NIPAL2: variants seen among roughly 807,000 people sequenced by gnomAD.
The protein encoded by NIPAL2 is NIPA like domain containing 2.
NIPAL2 carries 43 observed loss-of-function variants against 48.9 expected under a neutral mutation model. That is an observed-to-expected ratio of 0.88 (90% CI 0.69 to 1.13). The LOEUF (loss-of-function observed/expected upper bound fraction) is 1.13, where lower values mean the gene tolerates loss of function less well. Among genes scored for constraint, NIPAL2 ranks in the 50% most tolerant of loss-of-function variants. The pLI is 0.00. For missense variants in NIPAL2, 446 were observed against 461.4 expected, an observed-to-expected ratio of 0.97 and a Z score of 0.31; for synonymous variants, 167 against 174.6, an observed-to-expected ratio of 0.96 and a Z score of 0.34.
intron 1 of NIPAL2, among the ~76,000 whole-genome samples, chr8:98,254,328 T>C (rs1813756814): frequency 6.6e-6 from 1 of 152,216 alleles, no homozygotes; most frequent in Admixed American, 6.5e-5. Context: ...TCTGCCTCAT[T>C]TACTAAAATA....
In NIPAL2 at chr8:98,253,989, T is replaced by C. The variant is rs367815119; in HGVS notation, c.204+30A>G. On this transcript the variant is annotated intron_variant, in intron 2 of 10. Transcript: ENST00000430223. ...CATAATGTGTCCCTGGATCAATCTA[T>C]AGTGTTAGAAAAATAAGCTTTTTTC... 2.5e-4 allele frequency: 368 copies of C among 1,488,434 alleles called. 1 individual carries two copies. Among genetic ancestry groups the C allele is most frequent in the Non-Finnish European group, 3.4e-4 (359 of 1,068,528 alleles). The allele number at this position is 1,488,434 out of a possible 1,614,324, so 92.2% of individuals were successfully genotyped here.
In NIPAL2 at chr8:98,191,971, T is replaced by A. The variant is rs1810319674; in HGVS notation, c.*1007A>T. 6.6e-6 allele frequency: 1 copy of A among 152,224 alleles called. No individual in the cohort carries two copies. The highest frequency in any genetic ancestry group is 1.5e-5 in the Non-Finnish European group (1 of 68,036). 9.4% of individuals were successfully genotyped at this position (152,224 alleles called of 1,614,324 possible). A position where few individuals can be genotyped will look rare whatever the true frequency, so the allele number is the denominator to read the frequency against. On this transcript the variant is annotated 3_prime_UTR_variant, in exon 11 of 11. Coordinates refer to ENST00000430223, the MANE Select transcript of NIPAL2 (RefSeq NM_001321635.2). Reference sequence around the variant, plus strand: ...GAAGAATTTACAAAGCTTGAGGTAATGACTTTGGGAAGAAATGATGTGTAG... The same window carrying A: ...GAAGAATTTACAAAGCTTGAGGTAAAGACTTTGGGAAGAAATGATGTGTAG...
At chr8:98,236,819 T>C (rs919330411) in intron 3 of NIPAL2, among the ~76,000 whole-genome samples, 3 of 123,068 alleles carry the variant, frequency 2.4e-5, no homozygotes, top group African/African-American at 9.3e-5. Flanking sequence ...ACCACTGCAC[T>C]GAAGCCTCAG....
intron 1 of NIPAL2, among the ~76,000 whole-genome samples, chr8:98,256,763 G>C (rs1390611246): frequency 6.6e-6 from 1 of 152,146 alleles, no homozygotes; most frequent in Admixed American, 6.5e-5. Context: ...ATTAAACACA[G>C]GATTACCATA....
chr8:98,280,868 A>G (rs944856298), intron 1 of NIPAL2, among the ~76,000 whole-genome samples: 11 of 150,918 alleles, frequency 7.3e-5, no homozygotes, highest in African/African-American at 2.7e-4. Context: ...TATTTATTGT[A>G]CTACTCTTTT....
chr8:98,212,897 G>T (rs1400956809), intron 5 of NIPAL2, among the ~76,000 whole-genome samples: 2 of 152,070 alleles, frequency 1.3e-5, no homozygotes, highest in African/African-American at 4.8e-5. Context: ...CACACTCCGT[G>T]TTGCACAAAC....
intron 1 of NIPAL2, among the ~76,000 whole-genome samples, chr8:98,274,251 ATCTATCTATCTATCTATCTC>A (rs922932097): frequency 6.6e-6 from 1 of 150,970 alleles, no homozygotes; most frequent in African/African-American, 2.4e-5. Flanking sequence ...ATATTCTATC[ATCTATCTATCTATCTATCTC>A]TCTATCTATC....
intron 5 of NIPAL2, among the ~76,000 whole-genome samples, chr8:98,216,688 T>A (rs1429004637): frequency 6.6e-6 from 1 of 152,180 alleles, no homozygotes; most frequent in African/African-American, 2.4e-5. Flanking sequence ...AAATGAGCAA[T>A]GTGCAGATTA....
chr8:98,225,411 C>T (rs959706091), intron 4 of NIPAL2, among the ~76,000 whole-genome samples: 3 of 152,136 alleles, frequency 2.0e-5, no homozygotes, highest in Admixed American at 1.3e-4. Flanking sequence ...AACGTCAGTT[C>T]CTGCCCCCAT....
intron 1 of NIPAL2, among the ~76,000 whole-genome samples, chr8:98,271,619 T>C (rs1266079223): frequency 1.3e-5 from 2 of 152,122 alleles, no homozygotes; most frequent in African/African-American, 4.8e-5. Flanking sequence ...TTTCTAAGTA[T>C]AGAGTCATAT....
chr8:98,243,829 C>A (rs1337715795), intron 3 of NIPAL2, among the ~76,000 whole-genome samples: 1 of 152,102 alleles, frequency 6.6e-6, no homozygotes, highest in Admixed American at 6.6e-5. Context: ...AATGGGCATT[C>A]CCTTTTTAAA....
At chr8:98,211,733 A>AGAGTGTGTGTGTGT (rs1554562908) in intron 6 of NIPAL2, among the ~76,000 whole-genome samples, 1 of 109,104 alleles carries the variant, frequency 9.2e-6, no homozygotes, top group African/African-American at 3.9e-5. Context: ...AGAGAGAGAA[A>AGAGTGTGTGTGTGT]GTGTGTGTGT....
At chr8:98,193,219 A>C (rs1810380428) in intron 10 of NIPAL2, 129 bp from the exon 11 acceptor site, 3 of 1,039,450 alleles carry the variant, frequency 2.9e-6, no homozygotes, top group Admixed American at 3.7e-5. Flanking sequence ...TCTAAAGAGA[A>C]GAGATGAATA....
intron 1 of NIPAL2, among the ~76,000 whole-genome samples, chr8:98,268,436 C>T (rs1814907180): frequency 6.6e-6 from 1 of 151,974 alleles, no homozygotes; most frequent in African/African-American, 2.4e-5. Context: ...GCCTGGCCAA[C>T]ATGGTGAAAC....
At chr8:98,260,443 G>A (rs1179045543) in intron 1 of NIPAL2, among the ~76,000 whole-genome samples, 1 of 152,220 alleles carries the variant, frequency 6.6e-6, no homozygotes, top group African/African-American at 2.4e-5. Context: ...AGCCGAAGCA[G>A]GGCGAGGCAT....
At chr8:98,200,468 C>T (rs1810747438) in intron 8 of NIPAL2, among the ~76,000 whole-genome samples, 1 of 152,112 alleles carries the variant, frequency 6.6e-6, no homozygotes, top group Admixed American at 6.5e-5. Context: ...TAATTTCCTT[C>T]CTTTTAAAAG....
chr8:98,196,344 G>A (rs1810548568), intron 8 of NIPAL2, among the ~76,000 whole-genome samples: 1 of 152,200 alleles, frequency 6.6e-6, no homozygotes, highest in African/African-American at 2.4e-5. Flanking sequence ...CCCACCTGCA[G>A]TTTTAGGTCA....
chr8:98,242,380 T>A (rs906573964), intron 3 of NIPAL2, among the ~76,000 whole-genome samples: 1 of 151,930 alleles, frequency 6.6e-6, no homozygotes, highest in Non-Finnish European at 1.5e-5. Context: ...AGAGACAGAG[T>A]CTCACTATGT....
intron 3 of NIPAL2, among the ~76,000 whole-genome samples, chr8:98,239,354 C>G (rs1056035774): frequency 8.5e-5 from 13 of 152,150 alleles, no homozygotes; most frequent in Non-Finnish European, 1.3e-4. Flanking sequence ...TACACTATAC[C>G]CCATTGGCTC....
Sources: allele counts gnomAD v4.1 joint callset (sites outside exome capture counted in the v4.1 genomes callset), GRCh38; gene constraint gnomAD v4.1.1; transcripts MANE v1.5; gene names NCBI Gene and HGNC (gene_info 2026-07-23, HGNC 2026-07-21).